The following MAGOHB variants were observed in gnomAD, a reference collection of about 807,000 sequenced individuals.
The protein encoded by MAGOHB is mago homolog B, exon junction complex subunit, also known as protein mago nashi homolog 2.
Under a neutral mutation model 20.9 loss-of-function variants are expected in MAGOHB, and 15 were observed. The ratio of observed to expected loss-of-function variants is 0.72; its 90% confidence interval spans 0.48 to 1.11. The LOEUF (loss-of-function observed/expected upper bound fraction) is 1.11. Among genes scored for constraint, MAGOHB ranks in the 50% least tolerant of loss-of-function variants. MAGOHB has a pLI of 0.00. For missense variants in MAGOHB, 162 were observed against 177.6 expected (o/e 0.91, Z 0.50); for synonymous variants, 50 against 57.9 (o/e 0.86, Z 0.62).
chr12:10,608,611 A>C (rs1035406855), intron 3 of MAGOHB: 12 of 151,682 alleles, frequency 7.9e-5, no homozygotes, highest in Non-Finnish European at 1.6e-4. Flanking sequence ...AAAAAAAAAA[A>C]AAAAAACCAA....
At chr12:10,601,722 T>C (rs539701949), downstream of MAGOHB, among the ~76,000 whole-genome samples, 4 of 152,346 alleles carry the variant, frequency 2.6e-5, no homozygotes, top group South Asian at 8.3e-4. Flanking sequence ...AAGATTCAAA[T>C]TGTTCTTATC....
intron 4 of MAGOHB, 60 bp from the exon 5 acceptor site, chr12:10,606,434 G>T (rs1183852236): frequency 1.2e-6 from 1 of 802,832 alleles, no homozygotes; most frequent in South Asian, 1.8e-5. Context: ...TTCTTTAAAT[G>T]CCTAAAACAA....
At position 10,609,923 on chromosome 12, in the gene MAGOHB, C is replaced by T. The variant is rs1257702046; in HGVS notation, c.172G>A (p.Val58Ile). The change falls in exon 3 of 5, where the codon GTA becomes ATA. Residue 58 changes from valine to isoleucine, a missense_variant. Transcript: ENST00000320756. Reference protein sequence around the residue: ...IRKEAYVHKSVMEELKRIIDD... With the variant: ...IRKEAYVHKSIMEELKRIIDD... Reference sequence around the variant, plus strand: ...ATAATTCTCTTCAGTTCTTCCATTACACTCTTGTGCACATAAGCCTAAAAA... The same window carrying T: ...ATAATTCTCTTCAGTTCTTCCATTATACTCTTGTGCACATAAGCCTAAAAA... The T allele has an allele frequency of 1.9e-6, 3 of 1,600,348 alleles. No homozygotes were observed. Among genetic ancestry groups the T allele is most frequent in the African/African-American group, 1.3e-5 (1 of 74,322 alleles).
At chr12:10,606,395 A>G in intron 4 of MAGOHB, 21 bp from the exon 5 acceptor site, 1 of 1,361,928 alleles carries the variant, frequency 7.3e-7, no homozygotes, top group East Asian at 2.4e-5. Context: ...AAAAGGTAAA[A>G]GTTACTTTTT....
At chr12:10,612,562 C>G in intron 1 of MAGOHB, 1 of 606,046 alleles carries the variant, frequency 1.7e-6, no homozygotes, top group Non-Finnish European at 2.2e-6. Context: ...AATATGCATA[C>G]TGCTTTATAG....
chr12:10,613,557 A>G lies in MAGOHB; in HGVS notation c.-25T>C, dbSNP rs1865792982. On this transcript the variant is annotated 5_prime_UTR_variant, in exon 1 of 5. Transcript: ENST00000320756. ...TTTTTGTACCCGGGAAGCCCGCCGA[A>G]AACGCAGCCAACGTGTCCCCCGGCG... The G allele has an allele frequency of 6.5e-7, 1 of 1,530,490 alleles. No homozygotes were observed. The highest frequency in any genetic ancestry group is 1.4e-5 in the African/African-American group (1 of 73,224). 94.8% of individuals were successfully genotyped at this position (1,530,490 alleles called of 1,614,324 possible).
chr12:10,610,604 CAT>C lies in MAGOHB; in HGVS notation c.153+16_153+17del, dbSNP rs755598947. 3.5e-5 allele frequency: 37 copies of C among 1,047,178 alleles called. No individual in the cohort carries two copies. The highest frequency in any genetic ancestry group is 1.6e-4 in the East Asian group (5 of 31,808). The allele number at this position is 1,047,178 out of a possible 1,614,324, so 64.9% of individuals were successfully genotyped here. ...AAAAAAAAAAAAAAAAAAAAAAAGA[CAT>C]TCACATAGAACTTACCTCTTTTCTG... On this transcript the variant is annotated intron_variant, in intron 2 of 4. Transcript: ENST00000320756.
At chr12:10,601,880 CTTGT>C (rs1434202941), downstream of MAGOHB, among the ~76,000 whole-genome samples, 3 of 152,150 alleles carry the variant, frequency 2.0e-5, no homozygotes, top group Non-Finnish European at 2.9e-5. Context: ...TAACTGTTTT[CTTGT>C]TTGTTTTTCT....
downstream of MAGOHB, among the ~76,000 whole-genome samples, chr12:10,601,491 C>A (rs1865554539): frequency 6.6e-6 from 1 of 152,178 alleles, no homozygotes. Context: ...CCAGGCAAAT[C>A]TGGCTTGAAA....
At chr12:10,611,154 TC>T (rs1288582099) in intron 1 of MAGOHB, among the ~76,000 whole-genome samples, 1 of 152,158 alleles carries the variant, frequency 6.6e-6, no homozygotes, top group African/African-American at 2.4e-5. Flanking sequence ...CAGATCTAGA[TC>T]TACTTTCTTT....
chr12:10,606,034 A>G lies in MAGOHB; in HGVS notation c.*241T>C, dbSNP rs112057867. ...CAACCAGGATTTGGTATGTTTTATT[A>G]GAGCAAATTTTTAACAAAAGGTGGC... is the stretch of plus-strand genomic sequence containing the variant. On this transcript the variant is annotated 3_prime_UTR_variant, in exon 5 of 5. Transcript: ENST00000320756. 2,110 of 267,152 alleles carry G rather than the reference A, an allele frequency of 7.9e-3. 51 individuals carry two copies. The highest frequency in any genetic ancestry group is 0.044 in the African/African-American group (1,987 of 45,454). The allele number at this position is 267,152 out of a possible 1,614,324, so 16.5% of individuals were successfully genotyped here.
Position 10,606,382 on chromosome 12 carries a change from T to G in MAGOHB, c.348-8A>C. 6.7e-7 allele frequency: 1 copy of G among 1,495,270 alleles called. No individual in the cohort carries two copies. The highest frequency in any genetic ancestry group is 2.1e-5 in the Admixed American group (1 of 47,952). The allele number at this position is 1,495,270 out of a possible 1,614,324, so 92.6% of individuals were successfully genotyped here. ...CGAAGGCCTTCAGGATCCCTAAAAT[T>G]TAAAAAGGTAAAAGTTACTTTTTCT... On this transcript the variant is annotated splice_region_variant and splice_polypyrimidine_tract_variant and intron_variant, in intron 4 of 4. Transcript: ENST00000320756.
Position 10,610,575 on chromosome 12 carries a change from TGCA to T in MAGOHB, c.153+44_153+46del. The T allele has an allele frequency of 3.5e-5, 42 of 1,204,534 alleles. No homozygotes were observed. The African/African-American group carries it at 7.2e-4, about 21-fold the overall frequency. 74.6% of individuals were successfully genotyped at this position (1,204,534 alleles called of 1,614,324 possible). A position where few individuals can be genotyped will look rare whatever the true frequency, so the allele number is the denominator to read the frequency against. On this transcript the variant is annotated intron_variant, in intron 2 of 4. Coordinates refer to ENST00000320756, the MANE Select transcript of MAGOHB (RefSeq NM_018048.5). ...ACAGACTTGAAGAAAATGGGCTAAA[TGCA>T]AAAAAAAAAAAAAAAAAAAAAAAGA...
At chr12:10,607,194 T>C (rs1397288333) in intron 4 of MAGOHB, among the ~76,000 whole-genome samples, 1 of 152,212 alleles carries the variant, frequency 6.6e-6, no homozygotes, top group Non-Finnish European at 1.5e-5. Context: ...GCATCTATTA[T>C]GTGCAGGGCA....
chr12:10,611,651 G>A (rs972952906), intron 1 of MAGOHB, among the ~76,000 whole-genome samples: 1 of 150,100 alleles, frequency 6.7e-6, no homozygotes, highest in African/African-American at 2.5e-5. Context: ...GGGAGGATGA[G>A]GCAGGAGAAT....
At chr12:10,607,793 T>G (rs544221143) in intron 4 of MAGOHB, 61 bp downstream of exon 4, 1 of 888,232 alleles carries the variant, frequency 1.1e-6, no homozygotes, top group African/African-American at 1.7e-5. Flanking sequence ...AAACTGACTA[T>G]AGTTCTAAAA....
chr12:10,599,699 G>A (rs1407373538), downstream of MAGOHB: 1 of 152,084 alleles, frequency 6.6e-6, no homozygotes, highest in African/African-American at 2.4e-5. Flanking sequence ...AAAGTGATAA[G>A]AGGAAATTGT....
At position 10,613,572 on chromosome 12, in the gene MAGOHB, G is replaced by A. The variant is rs748870086; in HGVS notation, c.-40C>T. ...AGCCCGCCGAAAACGCAGCCAACGTGTCCCCCGGCGCCTTGCAGTGACGTC... is the reference window on the plus strand; with the variant it reads ...AGCCCGCCGAAAACGCAGCCAACGTATCCCCCGGCGCCTTGCAGTGACGTC... On this transcript the variant is annotated 5_prime_UTR_variant, in exon 1 of 5. Transcript: ENST00000320756. The A allele has an allele frequency of 1.5e-5, 21 of 1,386,930 alleles. No homozygotes were observed. In the African/African-American group the frequency reaches 2.5e-4, roughly 17 times the overall value. 85.9% of individuals were successfully genotyped at this position (1,386,930 alleles called of 1,614,324 possible).
At chr12:10,601,052 C>A (rs73256078), downstream of MAGOHB, among the ~76,000 whole-genome samples, 3,863 of 152,248 alleles carry the variant, frequency 0.025, 182 homozygotes, top group African/African-American at 0.087. Context: ...TTCCCTCCAT[C>A]CTGGATTGGC....
Sources: allele counts gnomAD v4.1 joint callset (sites outside exome capture counted in the v4.1 genomes callset), GRCh38; gene constraint gnomAD v4.1.1; transcripts MANE v1.5; gene names NCBI Gene and HGNC (gene_info 2026-07-23, HGNC 2026-07-21).